Variants in ATP2B2 observed in about 807,000 individuals in gnomAD.
The protein encoded by ATP2B2 is ATPase plasma membrane Ca2+ transporting 2.
ATP2B2 carries 15 observed loss-of-function variants against 120.0 expected under a neutral mutation model. The ratio of observed to expected loss-of-function variants is 0.12; its 90% CI spans 0.08 to 0.19. The LOEUF (loss-of-function observed/expected upper bound fraction) is 0.19. Among genes scored for constraint, ATP2B2 ranks in the 10% least tolerant of loss-of-function variants. ATP2B2 has a pLI of 1.00. For synonymous variants in ATP2B2, 694 were observed against 700.3 expected (o/e 0.99, Z 0.14); for missense variants, 1,045 against 1,719.8 (o/e 0.61, Z 6.94).
intron 1 of ATP2B2, among the ~76,000 whole-genome samples, chr3:10,474,788 A>G (rs1389591061): frequency 6.6e-6 from 1 of 152,246 alleles, no homozygotes; most frequent in African/African-American, 2.4e-5. Context: ...ATGCTTTTCT[A>G]AAGTGCTGGC....
chr3:10,417,634 C>T (rs887587610), intron 2 of ATP2B2, among the ~76,000 whole-genome samples: 1 of 152,226 alleles, frequency 6.6e-6, no homozygotes, highest in Admixed American at 6.5e-5. Context: ...TTCATTTACT[C>T]ATTCAATCAA....
At chr3:10,368,400 C>T (rs1201735141) in intron 12 of ATP2B2, among the ~76,000 whole-genome samples, 2 of 152,076 alleles carry the variant, frequency 1.3e-5, no homozygotes, top group African/African-American at 4.8e-5. Context: ...ATCAGTCCTG[C>T]CTTAAGACTC....
chr3:10,468,474 C>T (rs892507120), intron 1 of ATP2B2, among the ~76,000 whole-genome samples: 14 of 152,362 alleles, frequency 9.2e-5, no homozygotes, highest in East Asian at 5.8e-4. Flanking sequence ...GATTTGCTGA[C>T]GCATGGCAGG....
intron 1 of ATP2B2, among the ~76,000 whole-genome samples, chr3:10,465,664 T>C (rs1349365376): frequency 4.6e-5 from 7 of 152,358 alleles, no homozygotes; most frequent in South Asian, 2.1e-4. Context: ...CCCCTGTAGA[T>C]ATTTTTGTCC....
intron 12 of ATP2B2, 76 bp from the exon 13 acceptor site, chr3:10,360,199 C>G: frequency 6.6e-7 from 1 of 1,510,444 alleles, no homozygotes; most frequent in Non-Finnish European, 8.8e-7. Flanking sequence ...GCCACTGAGG[C>G]TCTGGGACTG....
At chr3:10,336,304 C>T (rs771440137) in intron 22 of ATP2B2, 16 of 1,550,192 alleles carry the variant, frequency 1.0e-5, no homozygotes, top group Non-Finnish European at 2.6e-6. Flanking sequence ...CTTCAATCTG[C>T]AACGGAGGAG....
At chr3:10,412,152 T>C (rs1484690890) in intron 2 of ATP2B2, among the ~76,000 whole-genome samples, 2 of 152,232 alleles carry the variant, frequency 1.3e-5, no homozygotes, top group Non-Finnish European at 2.9e-5. Flanking sequence ...ACTGTGCCCA[T>C]GCTGTGCCCT....
At chr3:10,506,851 C>T (rs1356044074), upstream of ATP2B2, among the ~76,000 whole-genome samples, 6 of 152,362 alleles carry the variant, frequency 3.9e-5, no homozygotes, top group East Asian at 1.9e-4. Context: ...CCGAGCGTCC[C>T]GAGCTGCCGC....
chr3:10,342,618 AC>A lies in ATP2B2; in HGVS notation c.2917+133del, dbSNP rs1264594214. The A allele has an allele frequency of 1.4e-5, 15 of 1,076,844 alleles. No individual in the cohort carries two copies. The African/African-American group carries it at 1.9e-4, about 14-fold the overall frequency. 66.7% of individuals were successfully genotyped at this position (1,076,844 alleles called of 1,614,324 possible). A position where few individuals can be genotyped will look rare whatever the true frequency, so the allele number is the denominator to read the frequency against. On this transcript the variant is annotated intron_variant, in intron 19 of 22. Coordinates refer to ENST00000360273, the MANE Select transcript of ATP2B2 (RefSeq NM_001001331.4). The surrounding 1 kb of genome is among the most constrained non-coding windows in gnomAD (Gnocchi z 4.4). ...GGTGTGACCTTGGGCAACTTACTTG[AC>A]CTCCCTGGGCCTCAATTTCCCCATT...
intron 1 of ATP2B2, among the ~76,000 whole-genome samples, chr3:10,649,515 A>G (rs2125662964): frequency 6.6e-6 from 1 of 152,318 alleles, no homozygotes; most frequent in African/African-American, 2.4e-5. Context: ...CCTTTTGCAT[A>G]TGCTGTTCCC....
intron 1 of ATP2B2, among the ~76,000 whole-genome samples, chr3:10,502,994 G>C (rs1435991416): frequency 1.3e-5 from 2 of 152,186 alleles, no homozygotes; most frequent in African/African-American, 2.4e-5. Context: ...CAGGGCTATG[G>C]GCGTCCTCAC....
At chr3:10,446,198 T>C (rs2063832010) in intron 2 of ATP2B2, among the ~76,000 whole-genome samples, 1 of 152,220 alleles carries the variant, frequency 6.6e-6, no homozygotes, top group African/African-American at 2.4e-5. Context: ...GTGTTTCTCA[T>C]GTGTGGACAC....
At chr3:10,438,468 T>G (rs1355337921) in intron 2 of ATP2B2, among the ~76,000 whole-genome samples, 2 of 152,236 alleles carry the variant, frequency 1.3e-5, no homozygotes, top group Non-Finnish European at 2.9e-5. Context: ...TGTACCTGCA[T>G]GTGACACTCT....
chr3:10,411,003 G>T (rs897828156), intron 2 of ATP2B2, among the ~76,000 whole-genome samples, 188 bp from the exon 3 acceptor site: 2 of 152,188 alleles, frequency 1.3e-5, no homozygotes, highest in Non-Finnish European at 2.9e-5. Flanking sequence ...CCGTGCAGTG[G>T]GTTGAATGGC....
intron 1 of ATP2B2, among the ~76,000 whole-genome samples, chr3:10,459,358 G>A (rs1401562722): frequency 6.6e-6 from 1 of 152,252 alleles, no homozygotes; most frequent in African/African-American, 2.4e-5. Flanking sequence ...AAAAGTGTTG[G>A]GGAAGCTTCA....
chr3:10,374,660 G>A (rs960578939), intron 11 of ATP2B2, among the ~76,000 whole-genome samples: 5 of 152,186 alleles, frequency 3.3e-5, no homozygotes, highest in African/African-American at 1.2e-4. Flanking sequence ...TGAGAACCTG[G>A]GGGTGACCCA....
chr3:10,454,611 C>A (rs181542276), intron 1 of ATP2B2, among the ~76,000 whole-genome samples: 69 of 152,304 alleles, frequency 4.5e-4, no homozygotes, highest in Admixed American at 3.8e-3. Flanking sequence ...TCATTCCAAG[C>A]TGTAGAGCCC....
At chr3:10,595,410 A>C (rs1441091922) in intron 2 of ATP2B2, among the ~76,000 whole-genome samples, 1 of 152,226 alleles carries the variant, frequency 6.6e-6, no homozygotes, top group African/African-American at 2.4e-5. Context: ...CAGTGGAATA[A>C]TACACGTTTC....
chr3:10,655,322 C>T (rs2070588486), intron 1 of ATP2B2, among the ~76,000 whole-genome samples: 1 of 152,212 alleles, frequency 6.6e-6, no homozygotes, highest in South Asian at 2.1e-4. Flanking sequence ...TTTGTCAACG[C>T]CCCTGCACCA....
Sources: allele counts gnomAD v4.1 joint callset (sites outside exome capture counted in the v4.1 genomes callset), GRCh38; gene constraint gnomAD v4.1.1; non-coding constraint Gnocchi (gnomAD v3.1); transcripts MANE v1.5; gene names NCBI Gene and HGNC (gene_info 2026-07-23, HGNC 2026-07-21).